The following TEF variants were observed in gnomAD, a reference collection of about 807,000 sequenced individuals.
TEF encodes the protein TEF transcription factor, PAR bZIP family member.
In TEF, 3 loss-of-function variants were observed where a neutral mutation model predicts 20.8. The observed-to-expected ratio is 0.14, with a 90% CI of 0.07 to 0.37. TEF has a LOEUF of 0.37. Ranked by LOEUF, TEF falls within the 10% of genes least tolerant of loss-of-function variation. The pLI, the probability that TEF is intolerant of heterozygous loss-of-function variation, is 1.00. For missense variants in TEF, 296 were observed against 397.9 expected (o/e 0.74, Z 2.18); for synonymous variants, 180 against 171.1 (o/e 1.05, Z -0.41).
At chr22:41,370,454 C>T (rs555432792) in intron 1 of TEF, among the ~76,000 whole-genome samples, 21 of 148,872 alleles carry the variant, frequency 1.4e-4, no homozygotes, top group African/African-American at 5.2e-4. Flanking sequence ...ACTCTGTTGC[C>T]CAGGCTGGAG....
At chr22:41,384,250 TTA>T (rs1258427126) in intron 1 of TEF, among the ~76,000 whole-genome samples, 1 of 152,212 alleles carries the variant, frequency 6.6e-6, no homozygotes, top group Non-Finnish European at 1.5e-5. Flanking sequence ...TGTCATGATT[TTA>T]TCTCCCACTT....
chr22:41,393,435 A>C (rs566021404), intron 2 of TEF, among the ~76,000 whole-genome samples: 191 of 152,058 alleles, frequency 1.3e-3, no homozygotes, highest in Middle Eastern at 3.4e-3. Flanking sequence ...AGATCTTGAA[A>C]TCACAGGAAG....
At chr22:41,373,920 C>T (rs1300158582) in intron 1 of TEF, among the ~76,000 whole-genome samples, 1 of 151,886 alleles carries the variant, frequency 6.6e-6, no homozygotes, top group Admixed American at 6.6e-5. Context: ...CATGCTACCA[C>T]ACCCGGCTAA....
intron 3 of TEF, among the ~76,000 whole-genome samples, chr22:41,395,146 A>G (rs549385604): frequency 6.6e-6 from 1 of 152,230 alleles, no homozygotes; most frequent in South Asian, 2.1e-4. Flanking sequence ...AGCTGAGATT[A>G]CAGATGTGCA....
Position 41,387,375 on chromosome 22 carries a change from T to A in TEF, c.182T>A (p.Leu61Gln). 1 of 1,614,214 alleles carries A rather than the reference T, an allele frequency of 6.2e-7. No individual in the cohort carries two copies. Among genetic ancestry groups the A allele is most frequent in the South Asian group, 1.1e-5 (1 of 91,080 alleles). ...RLDKEKGKEK[L>Q]EEDEAAAAST... is the part of the protein sequence containing the mutation. ...GATAAGGAAAAGGGGAAGGAAAAGCTGGAGGAGGACGAGGCCGCAGCCGCC... is the reference window on the plus strand; with the variant it reads ...GATAAGGAAAAGGGGAAGGAAAAGCAGGAGGAGGACGAGGCCGCAGCCGCC... Residue 61 changes from leucine to glutamine, a missense_variant, in exon 2 of 4, where the codon CTG (leucine) becomes CAG (glutamine). By Grantham distance (113) the Leu-to-Gln change is moderately radical (BLOSUM62 -2). Coordinates refer to ENST00000266304, the MANE Select transcript of TEF (RefSeq NM_003216.4).
In TEF at chr22:41,382,388, C is replaced by A. The variant is rs2037043552; in HGVS notation, c.157+187C>A. Reference sequence around the variant, plus strand: ...CTGAGGACAGAGGGTCAGGGGCGGGCTGAGACGGTGGGTCTGGCGGGAGAG... The same window carrying A: ...CTGAGGACAGAGGGTCAGGGGCGGGATGAGACGGTGGGTCTGGCGGGAGAG... On this transcript the variant is annotated intron_variant, in intron 1 of 3. Transcript: ENST00000266304. Among the ~76,000 whole-genome samples, 5 of 151,548 alleles carry A rather than the reference C, an allele frequency of 3.3e-5. No individual in the cohort carries two copies. The South Asian group carries it at 1.0e-3, about 32-fold the overall frequency.
At chr22:41,370,412 A>AT (rs35657809) in intron 1 of TEF, among the ~76,000 whole-genome samples, 2,729 of 108,564 alleles carry the variant, frequency 0.025, 111 homozygotes, top group African/African-American at 0.083. Context: ...TGCGCCTGGC[A>AT]TTTTTTTTTT....
intron 2 of TEF, among the ~76,000 whole-genome samples, chr22:41,388,548 T>C (rs2145984921): frequency 6.9e-6 from 1 of 145,816 alleles, no homozygotes; most frequent in East Asian, 2.0e-4. Context: ...CATTACCTAC[T>C]AGCCTGGGCA....
intron 1 of TEF, among the ~76,000 whole-genome samples, chr22:41,384,091 T>C (rs1009249560): frequency 1.3e-5 from 2 of 152,246 alleles, no homozygotes; most frequent in Non-Finnish European, 2.9e-5. Flanking sequence ...GGTGTGTTCA[T>C]TTTTATTGGA....
chr22:41,395,041 T>C (rs60119330), intron 3 of TEF, among the ~76,000 whole-genome samples: 37,545 of 152,048 alleles, frequency 0.25, 5,162 homozygotes, highest in Admixed American at 0.41. Context: ...GAGTCTCACT[T>C]TGTCACCCAG....
intron 1 of TEF, among the ~76,000 whole-genome samples, chr22:41,384,508 A>G (rs2037072270): frequency 6.6e-6 from 1 of 152,202 alleles, no homozygotes; most frequent in South Asian, 2.1e-4. Context: ...ATTCAGGAAT[A>G]AAGGTCTCTT....
Position 41,382,952 on chromosome 22 carries a change from A to G in TEF, c.157+751A>G, listed in dbSNP as rs1388676592. 1.1e-5 allele frequency: 5 copies of G among 471,050 alleles called. No homozygotes were observed. In the Admixed American group the frequency reaches 1.2e-4, roughly 11 times the overall value. The allele number at this position is 471,050 out of a possible 1,614,324, so 29.2% of individuals were successfully genotyped here. ...AGGACTGAGCTTCATCTTTTTGCCT[A>G]GGCCAGGAACGTCACTGGGGCGTAT... On this transcript the variant is annotated intron_variant, in intron 1 of 3. Coordinates refer to ENST00000266304, the MANE Select transcript of TEF (RefSeq NM_003216.4).
chr22:41,370,512 A>C (rs2036871795), intron 1 of TEF, among the ~76,000 whole-genome samples: 1 of 149,404 alleles, frequency 6.7e-6, no homozygotes, highest in Non-Finnish European at 1.5e-5. Flanking sequence ...TCCCGTGTTC[A>C]AGCAATTCTC....
Position 41,382,196 on chromosome 22 carries a change from G to T in TEF, c.152G>T (p.Arg51Leu), listed in dbSNP as rs1200852347. 6 of 1,222,170 alleles carry T rather than the reference G, an allele frequency of 4.9e-6. 1 individual carries two copies. The African/African-American group carries it at 6.3e-5, about 13-fold the overall frequency. The allele number at this position is 1,222,170 out of a possible 1,614,324, so 75.7% of individuals were successfully genotyped here. A position where few individuals can be genotyped will look rare whatever the true frequency, so the allele number is the denominator to read the frequency against. Residue 51 changes from arginine to leucine, a missense_variant, in exon 1 of 4, where the codon CGC becomes CTC. By Grantham distance (102) the Arg-to-Leu change is moderately radical (BLOSUM62 -2). Transcript: ENST00000266304. ...ATGGAGAACCCCCCGCGCGAGGCGC[G>T]CCTCGGTGAGGGCGGGGGGGTGGTC... ...KLMENPPREA[R>L]LDKEKGKEKL... is the part of the protein sequence containing the mutation.
At position 41,394,175 on chromosome 22, in the gene TEF, G is replaced by A. The variant is rs17365991; in HGVS notation, c.555G>A (p.Pro185=). 0.047 allele frequency: 75,072 copies of A among 1,614,076 alleles called. 2,092 individuals are homozygous for A. The highest frequency in any genetic ancestry group is 0.056 in the Non-Finnish European group (65,499 of 1,179,976). The change falls in exon 3 of 4, where the codon CCG becomes CCA. Residue 185 remains proline (P), a synonymous_variant. Coordinates refer to ENST00000266304, the MANE Select transcript of TEF (RefSeq NM_003216.4). The part of the protein sequence containing the change: ...NCVEVDVNFN[P]DPADLVLSSV... ...TGGAAGTGGATGTGAACTTCAATCCGGACCCCGCCGACCTGGTGCTCTCCA... is the reference window on the plus strand; with the variant it reads ...TGGAAGTGGATGTGAACTTCAATCCAGACCCCGCCGACCTGGTGCTCTCCA...
chr22:41,398,064 G>C lies in TEF; in HGVS notation c.*2104G>C, dbSNP rs1041427977. On this transcript the variant is annotated 3_prime_UTR_variant, in exon 4 of 4. Coordinates refer to ENST00000266304, the MANE Select transcript of TEF (RefSeq NM_003216.4). ...CTTTCCCCCAGGCAGTGGGTATCGG[G>C]TTCTTTCCCAAAGTGCTTACTTGGA... 6.6e-6 allele frequency: 1 copy of C among 152,150 alleles called. No individual in the cohort carries two copies. The highest frequency in any genetic ancestry group is 1.5e-5 in the Non-Finnish European group (1 of 68,040). The allele number at this position is 152,150 out of a possible 1,614,324, so 9.4% of individuals were successfully genotyped here.
chr22:41,382,192 G>T lies in TEF; in HGVS notation c.148G>T (p.Ala50Ser). ...KKLMENPPREARLDKEKGKEK... is the reference protein window; with the variant it reads ...KKLMENPPRESRLDKEKGKEK... ...GCTGATGGAGAACCCCCCGCGCGAGGCGCGCCTCGGTGAGGGCGGGGGGGT... is the reference window on the plus strand; with the variant it reads ...GCTGATGGAGAACCCCCCGCGCGAGTCGCGCCTCGGTGAGGGCGGGGGGGT... The change falls in exon 1 of 4, where the codon GCG (alanine) becomes TCG (serine). Residue 50 changes from alanine (A) to serine (S), a missense_variant. This residue lies in a region of TEF where 102 missense variants were observed against 80.1 expected (regional missense o/e 1.27). Coordinates refer to ENST00000266304, the MANE Select transcript of TEF (RefSeq NM_003216.4). 2 of 1,235,956 alleles carry T rather than the reference G, an allele frequency of 1.6e-6. No individual in the cohort carries two copies. Among genetic ancestry groups the T allele is most frequent in the South Asian group, 4.0e-5 (1 of 24,700 alleles). The allele number at this position is 1,235,956 out of a possible 1,614,324, so 76.6% of individuals were successfully genotyped here.
intron 2 of TEF, among the ~76,000 whole-genome samples, chr22:41,391,516 G>C (rs778942269): frequency 6.6e-6 from 1 of 150,976 alleles, no homozygotes; most frequent in Non-Finnish European, 1.5e-5. Context: ...GGGTTTCATC[G>C]TATTGGTCAG....
intron 2 of TEF, among the ~76,000 whole-genome samples, chr22:41,388,162 A>G (rs2145984365): frequency 6.6e-6 from 1 of 151,438 alleles, no homozygotes; most frequent in Middle Eastern, 3.4e-3. Context: ...ACGCCTGGCT[A>G]ATTTTTTTAT....
Sources: gnomAD v4.1 joint callset for allele counts (sites outside exome capture counted in the v4.1 genomes callset) on GRCh38, gnomAD v4.1.1 for gene constraint, gnomAD v4.1.1 regional missense constraint, MANE v1.5 for transcripts, NCBI Gene and HGNC (gene_info 2026-07-23, HGNC 2026-07-21) for gene names.